THAP10: variants seen among roughly 807,000 people sequenced by gnomAD.
The protein encoded by THAP10 is THAP domain-containing protein 10.
Under a neutral mutation model 15.7 loss-of-function variants are expected in THAP10, and 10 were observed. The observed-to-expected ratio is 0.64, with a 90% CI of 0.39 to 1.08. The LOEUF (loss-of-function observed/expected upper bound fraction) is 1.08. Ranked by LOEUF, THAP10 falls within the 50% of genes least tolerant of loss-of-function variation. The pLI is 0.01. For missense variants in THAP10, 310 were observed against 330.9 expected, an observed-to-expected ratio of 0.94 and a Z score of 0.49; for synonymous variants, 127 against 129.1, an observed-to-expected ratio of 0.98 and a Z score of 0.11.
chr15:70,882,302 G>C lies in THAP10; in HGVS notation c.*152C>G. 1 of 625,422 alleles carries C rather than the reference G, an allele frequency of 1.6e-6. No individual in the cohort carries two copies. The highest frequency in any genetic ancestry group is 2.7e-6 in the Non-Finnish European group (1 of 366,864). 38.7% of individuals were successfully genotyped at this position (625,422 alleles called of 1,614,324 possible). On this transcript the variant is annotated 3_prime_UTR_variant, in exon 3 of 3. Transcript: ENST00000249861. ...GGTATTATCTTCATTGTGTTGGCAA[G>C]CAAGCAAACTTTTGCCTTAGAGCTA...
At position 70,882,134 on chromosome 15, in the gene THAP10, A is replaced by C. The variant is rs1033684166; in HGVS notation, c.*320T>G. 3 of 225,496 alleles carry C rather than the reference A, an allele frequency of 1.3e-5. No homozygotes were observed. The highest frequency in any genetic ancestry group is 5.1e-5 in the Admixed American group (1 of 19,472). 14.0% of individuals were successfully genotyped at this position (225,496 alleles called of 1,614,324 possible). A position where few individuals can be genotyped will look rare whatever the true frequency, so the allele number is the denominator to read the frequency against. On this transcript the variant is annotated 3_prime_UTR_variant, in exon 3 of 3. Coordinates refer to ENST00000249861, the MANE Select transcript of THAP10 (RefSeq NM_020147.4). Reference sequence around the variant, plus strand: ...AGTCCTGTAGGAGCGTTGCTTCTGAACTAAGCTTAAACAAATATTCAATGC... The same window carrying C: ...AGTCCTGTAGGAGCGTTGCTTCTGACCTAAGCTTAAACAAATATTCAATGC...
At chr15:70,884,767 G>A (rs2033361217) in intron 1 of THAP10, among the ~76,000 whole-genome samples, 1 of 151,718 alleles carries the variant, frequency 6.6e-6, no homozygotes, top group Non-Finnish European at 1.5e-5. Context: ...ATTTAATCAG[G>A]GTTAAAAAAA....
chr15:70,883,649 ATTT>A, intron 1 of THAP10, among the ~76,000 whole-genome samples: 1 of 143,774 alleles, frequency 7.0e-6, no homozygotes. Context: ...GTGAAATGGA[ATTT>A]TTTTTTTTTT....
intron 1 of THAP10, among the ~76,000 whole-genome samples, chr15:70,889,494 TTA>T (rs1218934249): frequency 1.3e-5 from 2 of 152,258 alleles, no homozygotes; most frequent in East Asian, 3.9e-4. Context: ...CATGTTCAGT[TTA>T]TGATAATTTA....
At chr15:70,890,418 T>A (rs1171592291) in intron 1 of THAP10, among the ~76,000 whole-genome samples, 1 of 152,220 alleles carries the variant, frequency 6.6e-6, no homozygotes, top group Non-Finnish European at 1.5e-5. Context: ...AATTTGTTCT[T>A]ATAGTCATGT....
chr15:70,884,896 A>G (rs954185338), intron 1 of THAP10, among the ~76,000 whole-genome samples: 5 of 152,174 alleles, frequency 3.3e-5, no homozygotes, highest in Non-Finnish European at 4.4e-5. Flanking sequence ...CTAAAACTTT[A>G]TATTTTGATG....
chr15:70,891,808 G>C (rs1188313492), intron 1 of THAP10, 36 bp downstream of exon 1: 15 of 1,499,032 alleles, frequency 1.0e-5, no homozygotes, highest in Non-Finnish European at 1.3e-5. Flanking sequence ...CCAGAGTCCA[G>C]GGGTCCTTAC....
intron 2 of THAP10, 46 bp downstream of exon 2, chr15:70,882,715 G>A (rs1231027588): frequency 3.1e-6 from 5 of 1,612,240 alleles, no homozygotes; most frequent in South Asian, 1.1e-5. Flanking sequence ...TTTAATATAC[G>A]AAAGATCAAT....
chr15:70,886,220 G>A (rs1177205945), intron 1 of THAP10, among the ~76,000 whole-genome samples: 1 of 152,112 alleles, frequency 6.6e-6, no homozygotes, highest in Non-Finnish European at 1.5e-5. Context: ...ATTAGGATAG[G>A]AAAATTAATT....
At chr15:70,884,181 C>T (rs1042215001) in intron 1 of THAP10, among the ~76,000 whole-genome samples, 4 of 152,042 alleles carry the variant, frequency 2.6e-5, no homozygotes, top group Admixed American at 2.6e-4. Flanking sequence ...CTTCAAACCA[C>T]TGAAAAAATA....
rs200741885 is a variant in THAP10, at chr15:70,882,799, G to A, written c.539C>T (p.Thr180Ile). The change falls in exon 2 of 3, where the codon ACA (threonine) becomes ATA (isoleucine). Residue 180 changes from threonine (T) to isoleucine (I), a missense_variant. Thr to Ile is a moderately conservative substitution (Grantham distance 89). Coordinates refer to ENST00000249861, the MANE Select transcript of THAP10 (RefSeq NM_020147.4). ...HCEEGPVHKS[T>I]QISLKRPRHR... ...ACGGGGCCTTTTCAAAGAAATTTGT[G>A]TACTTTTATGCACTGGGCCTTCTTC... The A allele has an allele frequency of 1.1e-4, 181 of 1,614,046 alleles. 1 individual carries two copies. The highest frequency in any genetic ancestry group is 1.3e-4 in the Non-Finnish European group (156 of 1,180,014).
chr15:70,890,427 G>A (rs2033523874), intron 1 of THAP10, among the ~76,000 whole-genome samples: 1 of 152,142 alleles, frequency 6.6e-6, no homozygotes, highest in African/African-American at 2.4e-5. Flanking sequence ...TTATAGTCAT[G>A]TAATCATTCC....
chr15:70,890,179 T>A (rs1434519542), intron 1 of THAP10, among the ~76,000 whole-genome samples: 3 of 152,174 alleles, frequency 2.0e-5, no homozygotes, highest in Non-Finnish European at 4.4e-5. Flanking sequence ...TTAGGTTGTG[T>A]AATTATGAAG....
chr15:70,890,369 G>A (rs573104027), intron 1 of THAP10, among the ~76,000 whole-genome samples: 2 of 152,214 alleles, frequency 1.3e-5, no homozygotes, highest in Admixed American at 1.3e-4. Flanking sequence ...GGTGAGGAGG[G>A]AAACTGGCAG....
Position 70,882,880 on chromosome 15 carries a change from G to C in THAP10, c.458C>G (p.Thr153Ser). 3.1e-6 allele frequency: 5 copies of C among 1,613,974 alleles called. No homozygotes were observed. Among genetic ancestry groups the C allele is most frequent in the Non-Finnish European group, 4.2e-6 (5 of 1,179,968 alleles). ...QITCENELVQ[T>S]QPHADNPSNT... The stretch of plus-strand genomic sequence containing the variant: ...AGATGGATTATCAGCATGGGGTTGG[G>C]TTTGCACAAGTTCATTTTCACACGT... The change falls in exon 2 of 3, where the codon ACC (threonine) becomes AGC (serine). Residue 153 changes from threonine (T) to serine (S), a missense_variant. Thr to Ser is a moderately conservative substitution (Grantham distance 58). Transcript: ENST00000249861.
At chr15:70,884,278 C>T (rs1290084460) in intron 1 of THAP10, among the ~76,000 whole-genome samples, 1 of 152,054 alleles carries the variant, frequency 6.6e-6, no homozygotes, top group East Asian at 1.9e-4. Flanking sequence ...TAGCTCACGC[C>T]TCCCAGCACT....
chr15:70,888,171 T>C (rs1191593104), intron 1 of THAP10, among the ~76,000 whole-genome samples: 3 of 152,156 alleles, frequency 2.0e-5, no homozygotes, highest in Non-Finnish European at 4.4e-5. Context: ...CTTGTGAAAA[T>C]TGACAAATCA....
intron 1 of THAP10, among the ~76,000 whole-genome samples, chr15:70,889,810 G>A (rs2033506578): frequency 6.6e-6 from 1 of 152,148 alleles, no homozygotes; most frequent in Admixed American, 6.5e-5. Context: ...TAGACAGTTA[G>A]TCCTGGGATT....
At chr15:70,889,937 C>A (rs551768572) in intron 1 of THAP10, among the ~76,000 whole-genome samples, 7 of 152,320 alleles carry the variant, frequency 4.6e-5, no homozygotes, top group African/African-American at 1.7e-4. Flanking sequence ...AACTCAAAAT[C>A]TTTTTAACCT....
Sources: gnomAD v4.1 joint callset for allele counts (sites outside exome capture counted in the v4.1 genomes callset) on GRCh38, gnomAD v4.1.1 for gene constraint, MANE v1.5 for transcripts, NCBI Gene and HGNC (gene_info 2026-07-23, HGNC 2026-07-21) for gene names.